FTO: variants seen among roughly 807,000 people sequenced by gnomAD.
The protein encoded by FTO is FTO alpha-ketoglutarate dependent dioxygenase.
Under a neutral mutation model 63.9 loss-of-function variants are expected in FTO, and 47 were observed. The observed-to-expected ratio is 0.74, with a 90% confidence interval of 0.58 to 0.94. The LOEUF (loss-of-function observed/expected upper bound fraction) is 0.94. Among genes scored for constraint, FTO ranks in the 40% least tolerant of loss-of-function variants. FTO has a pLI of 0.00. For synonymous variants in FTO, 207 were observed against 224.4 expected (o/e 0.92, Z 0.69); for missense variants, 562 against 618.1 (o/e 0.91, Z 0.96).
chr16:54,068,928 C>T (rs2085795451), intron 8 of FTO, among the ~76,000 whole-genome samples: 1 of 152,138 alleles, frequency 6.6e-6, no homozygotes, highest in Non-Finnish European at 1.5e-5. Context: ...GAGCAGCAGC[C>T]CCAGTTCTGC....
intron 3 of FTO, among the ~76,000 whole-genome samples, chr16:53,842,839 C>T (rs12595985): frequency 1.3e-5 from 2 of 151,938 alleles, no homozygotes; most frequent in Non-Finnish European, 2.9e-5. Flanking sequence ...ATGCCCCACT[C>T]ATTTCTTTTA....
intron 1 of FTO, among the ~76,000 whole-genome samples, chr16:53,749,526 C>A (rs1245672763): frequency 6.6e-6 from 1 of 151,790 alleles, no homozygotes; most frequent in South Asian, 2.1e-4. Context: ...GCAAGCTCCG[C>A]CTCCCGGGTT....
chr16:54,094,409 GAACTACGATGTTTTAA>G (rs2086464800), intron 8 of FTO, among the ~76,000 whole-genome samples: 1 of 152,154 alleles, frequency 6.6e-6, no homozygotes, highest in Non-Finnish European at 1.5e-5. Flanking sequence ...GCTCTCTATT[GAACTACGATGTTTTAA>G]AACTCCTTTC....
At chr16:53,726,620 G>A (rs7202836) in intron 1 of FTO, among the ~76,000 whole-genome samples, 8,845 of 152,228 alleles carry the variant, frequency 0.058, 835 homozygotes, top group African/African-American at 0.2. Flanking sequence ...CATGCTGTCA[G>A]TTTGGAGCTT....
intron 8 of FTO, chr16:54,033,936 ACGATACCTTTC>A (rs372856285): frequency 3.2e-4 from 49 of 152,328 alleles, no homozygotes; most frequent in African/African-American, 1.1e-3. Context: ...AGTCCTTCTG[ACGATACCTTTC>A]CAAGTGTCTG....
chr16:54,120,341 C>T lies in FTO; in HGVS notation c.*8426C>T, dbSNP rs1302777404. The T allele has an allele frequency of 1.3e-5, 2 of 152,248 alleles. No homozygotes were observed. The highest frequency in any genetic ancestry group is 2.4e-5 in the African/African-American group (1 of 41,464). 9.4% of individuals were successfully genotyped at this position (152,248 alleles called of 1,614,324 possible). The stretch of plus-strand genomic sequence containing the variant: ...CTCTTCATAGTATTGACTCTTCAGT[C>T]TTAGCCAACACACACTTGTTGATTC... On this transcript the variant is annotated 3_prime_UTR_variant, in exon 9 of 9. Transcript: ENST00000471389.
At chr16:53,771,159 A>G (rs2077326144) in intron 1 of FTO, among the ~76,000 whole-genome samples, 1 of 152,160 alleles carries the variant, frequency 6.6e-6, no homozygotes, top group Non-Finnish European at 1.5e-5. Flanking sequence ...CTCTGAAGGT[A>G]GAATGTGGGG....
intron 1 of FTO, among the ~76,000 whole-genome samples, chr16:53,751,795 T>G (rs935452078): frequency 6.6e-6 from 1 of 152,218 alleles, no homozygotes; most frequent in African/African-American, 2.4e-5. Flanking sequence ...AATTTTATGT[T>G]ACGTGAATTA....
At chr16:54,030,070 C>T (rs1052386660) in intron 8 of FTO, among the ~76,000 whole-genome samples, 2 of 152,166 alleles carry the variant, frequency 1.3e-5, no homozygotes, top group Non-Finnish European at 2.9e-5. Context: ...CCAGTCCTCT[C>T]CCAGTTCTCA....
chr16:53,830,795 C>G (rs1397851630), intron 3 of FTO, among the ~76,000 whole-genome samples: 3 of 152,106 alleles, frequency 2.0e-5, no homozygotes, highest in African/African-American at 7.2e-5. Context: ...ACTCGGGAGG[C>G]TGAGGCAGTA....
chr16:53,854,645 C>T (rs1028427022), intron 4 of FTO, among the ~76,000 whole-genome samples: 12 of 152,054 alleles, frequency 7.9e-5, no homozygotes, highest in Non-Finnish European at 1.6e-4. Flanking sequence ...GTCTGTGTAT[C>T]TACTTTTATA....
rs557441736 is a variant in FTO, at chr16:54,048,287, G to A, written c.1365-63475G>A. 3.9e-4 allele frequency among the ~76,000 whole-genome samples: 56 copies of A among 145,436 alleles called. No homozygotes were observed. In the South Asian group the frequency reaches 0.012, roughly 30 times the overall value. On this transcript the variant is annotated intron_variant, in intron 8 of 8. Transcript: ENST00000471389. ...AAAAAAAAAAAAGAAGCTAAGATTT[G>A]AGTTGCTTGGGTGGAGTAGGTACAA...
chr16:53,741,377 A>G (rs2076524756), intron 1 of FTO, among the ~76,000 whole-genome samples: 1 of 152,168 alleles, frequency 6.6e-6, no homozygotes, highest in South Asian at 2.1e-4. Flanking sequence ...TTTGCTGAAT[A>G]GTGTTTACAA....
chr16:54,052,953 C>T (rs1398686923), intron 8 of FTO, among the ~76,000 whole-genome samples: 1 of 152,182 alleles, frequency 6.6e-6, no homozygotes, highest in Non-Finnish European at 1.5e-5. Flanking sequence ...CCACCCACCT[C>T]AGCCTCCCAA....
At chr16:54,028,899 GA>G (rs2084773635) in intron 8 of FTO, among the ~76,000 whole-genome samples, 1 of 151,902 alleles carries the variant, frequency 6.6e-6, no homozygotes, top group African/African-American at 2.4e-5. Context: ...AGAAAACTTG[GA>G]AAATTCTAGA....
chr16:53,798,806 G>T (rs540656316), intron 1 of FTO, among the ~76,000 whole-genome samples: 3 of 152,122 alleles, frequency 2.0e-5, no homozygotes, highest in Non-Finnish European at 4.4e-5. Flanking sequence ...GGCATAGAGG[G>T]GGTGATGGGA....
chr16:53,910,076 T>C (rs928468246), intron 7 of FTO, among the ~76,000 whole-genome samples: 28 of 152,116 alleles, frequency 1.8e-4, no homozygotes, highest in Admixed American at 1.6e-3. Context: ...TTTGTGGAGA[T>C]GGGGTCTCAC....
At chr16:54,071,750 C>T (rs2085877030) in intron 8 of FTO, 1 of 152,128 alleles carries the variant, frequency 6.6e-6, no homozygotes, top group Non-Finnish European at 1.5e-5. Flanking sequence ...AAACCAGTAC[C>T]TAGTGCAGGA....
rs553091260 is a variant in FTO at position 53,733,965 on chromosome 16, T to A, written c.45+29736T>A. Among the ~76,000 whole-genome samples, 196 of 152,292 alleles carry A rather than the reference T, an allele frequency of 1.3e-3. 1 individual carries two copies. Among genetic ancestry groups the A allele is most frequent in the African/African-American group, 4.3e-3 (179 of 41,574 alleles). ...TCACTAAAGTACACAATTCTACAAATTATGCACACAAGCACACACATTTTA... is the reference window on the plus strand; with the variant it reads ...TCACTAAAGTACACAATTCTACAAAATATGCACACAAGCACACACATTTTA... On this transcript the variant is annotated intron_variant, in intron 1 of 8. Transcript: ENST00000471389.
Sources: gnomAD v4.1 joint callset for allele counts (sites outside exome capture counted in the v4.1 genomes callset) on GRCh38, gnomAD v4.1.1 for gene constraint, MANE v1.5 for transcripts, NCBI Gene and HGNC (gene_info 2026-07-23, HGNC 2026-07-21) for gene names.